GNB4: variants seen among roughly 807,000 people sequenced by gnomAD.
The protein encoded by GNB4 is G protein subunit beta 4, also known as guanine nucleotide-binding protein subunit beta-4.
GNB4 carries 28 observed loss-of-function variants against 45.2 expected under a neutral mutation model. The ratio of observed to expected loss-of-function variants is 0.62; its 90% CI spans 0.46 to 0.85. GNB4 has a LOEUF of 0.85. Ranked by LOEUF, GNB4 falls within the 40% of genes least tolerant of loss-of-function variation. The probability of loss-of-function intolerance (pLI) is 0.00; values close to 1 mark genes in which losing one functional copy is unlikely to be tolerated. For synonymous variants in GNB4, 132 were observed against 143.7 expected (o/e 0.92, Z 0.58); for missense variants, 321 against 425.4 (o/e 0.75, Z 2.16).
Position 179,396,150 on chromosome 3 carries a change from C to CAAAT in GNB4, c.*5059_*5062dup, listed in dbSNP as rs1371684681. On this transcript the variant is annotated 3_prime_UTR_variant, in exon 10 of 10. Coordinates refer to ENST00000232564, the MANE Select transcript of GNB4 (RefSeq NM_021629.4). ...CACAACATTTCATAAAGCCACTGTA[C>CAAAT]AAATAGAGGAATGAATCACTGTGTA... 3.3e-5 allele frequency: 5 copies of CAAAT among 151,972 alleles called. 1 individual carries two copies. Among genetic ancestry groups the CAAAT allele is most frequent in the African/African-American group, 1.2e-4 (5 of 41,442 alleles). 9.4% of individuals were successfully genotyped at this position (151,972 alleles called of 1,614,324 possible). A position where few individuals can be genotyped will look rare whatever the true frequency, so the allele number is the denominator to read the frequency against.
intron 1 of GNB4, among the ~76,000 whole-genome samples, chr3:179,439,912 TTTTC>T (rs1439896557): frequency 3.3e-5 from 5 of 152,260 alleles, no homozygotes. Flanking sequence ...GCCTCAGATA[TTTTC>T]TTTGATTTAC....
chr3:179,449,885 G>C (rs1715825432), intron 1 of GNB4, among the ~76,000 whole-genome samples: 1 of 152,182 alleles, frequency 6.6e-6, no homozygotes, highest in Admixed American at 6.5e-5. Flanking sequence ...AATTGCCCCA[G>C]AGTCTATTTT....
chr3:179,397,121 C>T lies in GNB4; in HGVS notation c.*4092G>A, dbSNP rs1327524845. Reference sequence around the variant, plus strand: ...ACCCTGAAGATTTCAGAAAGAACATCGTCACTATTAAAATGATGACAGGCC... The same window carrying T: ...ACCCTGAAGATTTCAGAAAGAACATTGTCACTATTAAAATGATGACAGGCC... On this transcript the variant is annotated 3_prime_UTR_variant, in exon 10 of 10. Coordinates refer to ENST00000232564, the MANE Select transcript of GNB4 (RefSeq NM_021629.4). The T allele has an allele frequency of 1.3e-5, 2 of 152,110 alleles. No homozygotes were observed. Among genetic ancestry groups the T allele is most frequent in the Non-Finnish European group, 2.9e-5 (2 of 68,012 alleles). The allele number at this position is 152,110 out of a possible 1,614,324, so 9.4% of individuals were successfully genotyped here.
chr3:179,426,847 G>C (rs6443649), intron 1 of GNB4, among the ~76,000 whole-genome samples: 1 of 151,896 alleles, frequency 6.6e-6, no homozygotes, highest in Admixed American at 6.6e-5. Flanking sequence ...TCTCCTTTCT[G>C]CTGCCCTCGA....
intron 1 of GNB4, among the ~76,000 whole-genome samples, chr3:179,441,752 A>C (rs1399919379): frequency 5.4e-5 from 2 of 36,780 alleles, no homozygotes; most frequent in Non-Finnish European, 1.1e-4. Context: ...ACTCCATCTC[A>C]AAAAAAAAAA....
At chr3:179,483,255 T>C in the GNB4 span, among the ~76,000 whole-genome samples, 1 of 152,080 alleles carries the variant, frequency 6.6e-6, no homozygotes, top group Non-Finnish European at 1.5e-5. Flanking sequence ...AAGACATGTA[T>C]AGTAAAAGAG....
intron 8 of GNB4, among the ~76,000 whole-genome samples, chr3:179,412,849 T>TG (rs1482298191): frequency 1.3e-5 from 2 of 148,372 alleles, no homozygotes; most frequent in Admixed American, 6.7e-5. Flanking sequence ...CCCTCCACTT[T>TG]GGAAAAAAAA....
chr3:179,457,809 C>T, the GNB4 span, among the ~76,000 whole-genome samples: 77,121 of 151,808 alleles, frequency 0.51, 19,969 homozygotes, highest in Admixed American at 0.59. Context: ...AGACTTGGGA[C>T]GGTTTTTACA....
the GNB4 span, among the ~76,000 whole-genome samples, chr3:179,477,169 C>T: frequency 3.3e-5 from 5 of 152,074 alleles, no homozygotes; most frequent in Non-Finnish European, 7.3e-5. Context: ...CAAACAGTTA[C>T]TTGCCAAATC....
intron 2 of GNB4, among the ~76,000 whole-genome samples, chr3:179,421,578 A>G (rs905725996): frequency 2.0e-5 from 3 of 152,182 alleles, no homozygotes; most frequent in African/African-American, 7.2e-5. Context: ...TTTTTTCTAT[A>G]CAGTGTTTAA....
the GNB4 span, among the ~76,000 whole-genome samples, chr3:179,491,866 G>A: frequency 2.6e-5 from 4 of 152,256 alleles, no homozygotes; most frequent in South Asian, 8.3e-4. Context: ...AAACAGCTAG[G>A]TATCAATGTA....
At chr3:179,440,745 T>C (rs1407633500) in intron 1 of GNB4, among the ~76,000 whole-genome samples, 2 of 152,160 alleles carry the variant, frequency 1.3e-5, no homozygotes, top group African/African-American at 4.8e-5. Flanking sequence ...CAGTAAACTT[T>C]CATGCATAAA....
At chr3:179,412,977 C>G (rs1414606536) in intron 8 of GNB4, among the ~76,000 whole-genome samples, 2 of 151,986 alleles carry the variant, frequency 1.3e-5, no homozygotes, top group Non-Finnish European at 2.9e-5. Flanking sequence ...CTCAGGAGTT[C>G]GAGACCAGCC....
chr3:179,398,085 TAACATACTTAGAAAAG>T lies in GNB4; in HGVS notation c.*3112_*3127del, dbSNP rs955645252. 1 of 152,152 alleles carries T rather than the reference TAACATACTTAGAAAAG, an allele frequency of 6.6e-6. No individual in the cohort carries two copies. Among genetic ancestry groups the T allele is most frequent in the Non-Finnish European group, 1.5e-5 (1 of 68,030 alleles). 9.4% of individuals were successfully genotyped at this position (152,152 alleles called of 1,614,324 possible). A position where few individuals can be genotyped will look rare whatever the true frequency, so the allele number is the denominator to read the frequency against. ...CGATATGCTCAACACCACAGGGTGA[TAACATACTTAGAAAAG>T]AATATGTATCTCTAAAATATTCTTG... On this transcript the variant is annotated 3_prime_UTR_variant, in exon 10 of 10. Coordinates refer to ENST00000232564, the MANE Select transcript of GNB4 (RefSeq NM_021629.4).
chr3:179,402,627 G>A (rs1434010613), intron 9 of GNB4, among the ~76,000 whole-genome samples: 2 of 152,174 alleles, frequency 1.3e-5, no homozygotes, highest in South Asian at 2.1e-4. Flanking sequence ...CAATGGCAAC[G>A]AACTTTCGTA....
chr3:179,443,787 T>C (rs1715652042), intron 1 of GNB4, among the ~76,000 whole-genome samples: 1 of 152,200 alleles, frequency 6.6e-6, no homozygotes, highest in South Asian at 2.1e-4. Flanking sequence ...TGTCTCAGGT[T>C]TAGATTAGCA....
At position 179,396,304 on chromosome 3, in the gene GNB4, GACC is replaced by G. The variant is rs1425851489; in HGVS notation, c.*4906_*4908del. The G allele has an allele frequency of 4.6e-5, 7 of 152,126 alleles. No homozygotes were observed. The highest frequency in any genetic ancestry group is 1.7e-4 in the African/African-American group (7 of 41,430). 9.4% of individuals were successfully genotyped at this position (152,126 alleles called of 1,614,324 possible). On this transcript the variant is annotated 3_prime_UTR_variant, in exon 10 of 10. Transcript: ENST00000232564. ...CTACTACTGACATTCATGTTCAGTT[GACC>G]ACGAGTGTGTACAAATCATTCTAGG... is the stretch of plus-strand genomic sequence containing the variant.
At chr3:179,439,003 C>T (rs142778811) in intron 1 of GNB4, among the ~76,000 whole-genome samples, 2 of 152,292 alleles carry the variant, frequency 1.3e-5, no homozygotes, top group East Asian at 3.9e-4. Flanking sequence ...CAGTTTCAAT[C>T]TGTGGTTCTC....
At chr3:179,448,091 T>C (rs1304678990) in intron 1 of GNB4, among the ~76,000 whole-genome samples, 1 of 152,226 alleles carries the variant, frequency 6.6e-6, no homozygotes, top group Non-Finnish European at 1.5e-5. Flanking sequence ...ATAATGTGTC[T>C]CTGAAGCGGG....
Sources: gnomAD v4.1 joint callset for allele counts (sites outside exome capture counted in the v4.1 genomes callset) on GRCh38, gnomAD v4.1.1 for gene constraint, MANE v1.5 for transcripts, NCBI Gene and HGNC (gene_info 2026-07-23, HGNC 2026-07-21) for gene names.